XYLB: variants seen among roughly 807,000 people sequenced by gnomAD.
XYLB encodes the protein xylulokinase.
In XYLB, 62 loss-of-function variants were observed where a neutral mutation model predicts 78.7. The observed-to-expected ratio is 0.79, with a 90% CI of 0.64 to 0.97. XYLB has a LOEUF of 0.97. Among genes scored for constraint, XYLB ranks in the 50% least tolerant of loss-of-function variants. The pLI, the probability that XYLB is intolerant of heterozygous loss-of-function variation, is 0.00. For missense variants in XYLB, 687 were observed against 676.8 expected, an observed-to-expected ratio of 1.02 and a Z score of -0.17; for synonymous variants, 245 against 247.4, an observed-to-expected ratio of 0.99 and a Z score of 0.09.
At chr3:38,367,899 T>G (rs148073496) in intron 7 of XYLB, among the ~76,000 whole-genome samples, 2 of 152,350 alleles carry the variant, frequency 1.3e-5, no homozygotes, top group African/African-American at 4.8e-5. Context: ...AAATGCAGCT[T>G]CCCTAAGCCC....
chr3:38,400,340 A>T (rs1045172841), intron 17 of XYLB, among the ~76,000 whole-genome samples: 5 of 152,176 alleles, frequency 3.3e-5, no homozygotes, highest in Non-Finnish European at 7.3e-5. Context: ...AGTTGGGAAA[A>T]GTGCTCTGAG....
chr3:38,406,017 G>A (rs1008012323), intron 18 of XYLB, among the ~76,000 whole-genome samples: 6 of 152,254 alleles, frequency 3.9e-5, no homozygotes, highest in Non-Finnish European at 8.8e-5. Flanking sequence ...CTGTCTGACA[G>A]CTTTGAAGAG....
chr3:38,351,123 G>C (rs942525235), intron 2 of XYLB, among the ~76,000 whole-genome samples: 1 of 125,244 alleles, frequency 8.0e-6, no homozygotes, highest in Non-Finnish European at 1.6e-5. Flanking sequence ...GGTGAGCCAA[G>C]ATCGCGCCAC....
chr3:38,419,871 A>T (rs1051276950), downstream of XYLB, among the ~76,000 whole-genome samples: 1 of 151,808 alleles, frequency 6.6e-6, no homozygotes, highest in Non-Finnish European at 1.5e-5. Flanking sequence ...CCAGGCTGGA[A>T]TGCAGTGGCA....
chr3:38,444,279 C>A, the XYLB span, among the ~76,000 whole-genome samples: 1 of 152,134 alleles, frequency 6.6e-6, no homozygotes, highest in East Asian at 1.9e-4. Flanking sequence ...ATTCCCCTCC[C>A]CCTACAGTTT....
chr3:38,412,859 T>C (rs1043697648), intron 18 of XYLB, 77 bp from the exon 19 acceptor site: 2 of 1,310,860 alleles, frequency 1.5e-6, no homozygotes, highest in African/African-American at 1.5e-5. Context: ...GATTTAAAAA[T>C]TTTAAATTGC....
At chr3:38,446,395 T>G in the XYLB span, among the ~76,000 whole-genome samples, 1 of 152,238 alleles carries the variant, frequency 6.6e-6, no homozygotes, top group African/African-American at 2.4e-5. Flanking sequence ...TACAATCCTC[T>G]TGTAAGACAG....
intron 9 of XYLB, 96 bp from the exon 10 acceptor site, chr3:38,372,559 G>C: frequency 6.3e-7 from 1 of 1,597,028 alleles, no homozygotes; most frequent in African/African-American, 1.3e-5. Context: ...GTGACCTGGA[G>C]ACTGTAGCGT....
chr3:38,365,586 G>A (rs759648022), intron 5 of XYLB, 22 bp from the exon 6 acceptor site: 5 of 1,599,720 alleles, frequency 3.1e-6, no homozygotes, highest in Non-Finnish European at 8.5e-7. Context: ...GCTTAAGCCT[G>A]TGCCTTTGCC....
chr3:38,384,564 C>G (rs1707298224), intron 15 of XYLB, among the ~76,000 whole-genome samples: 1 of 152,188 alleles, frequency 6.6e-6, no homozygotes, highest in Non-Finnish European at 1.5e-5. Context: ...AGCAGCAGGT[C>G]TTAAAAACAA....
At chr3:38,388,404 A>G (rs1002563037) in intron 15 of XYLB, among the ~76,000 whole-genome samples, 2 of 152,096 alleles carry the variant, frequency 1.3e-5, no homozygotes, top group East Asian at 3.8e-4. Flanking sequence ...AAAGATAAGT[A>G]TGTGAAGTAA....
intron 15 of XYLB, among the ~76,000 whole-genome samples, chr3:38,391,296 C>T (rs979302418): frequency 1.3e-5 from 2 of 152,160 alleles, no homozygotes; most frequent in Admixed American, 1.3e-4. Context: ...TCCTCTTCCA[C>T]TGTATCCTCA....
chr3:38,364,104 T>G (rs1185439661), intron 4 of XYLB, among the ~76,000 whole-genome samples: 1 of 151,968 alleles, frequency 6.6e-6, no homozygotes, highest in Non-Finnish European at 1.5e-5. Flanking sequence ...TGCCTCAGAC[T>G]TAGCATGTCC....
chr3:38,365,246 A>G lies in XYLB; in HGVS notation c.339A>G (p.Thr113=). 6.2e-7 allele frequency: 1 copy of G among 1,614,250 alleles called. No individual in the cohort carries two copies. The highest frequency in any genetic ancestry group is 8.5e-7 in the Non-Finnish European group (1 of 1,180,046). ...AGGCTGGAGCCCAGCAGGCACTGAC[A>G]AGCTTATCACCAGACCTCCGGCTAC... The part of the protein sequence containing the change: ...YWKAGAQQAL[T]SLSPDLRLHQ... Residue 113 remains threonine, a synonymous_variant, in exon 5 of 19, where the codon ACA becomes ACG. Transcript: ENST00000207870.
At chr3:38,398,743 G>A (rs1414902984) in intron 17 of XYLB, among the ~76,000 whole-genome samples, 1 of 149,054 alleles carries the variant, frequency 6.7e-6, no homozygotes, top group East Asian at 2.0e-4. Context: ...CTGACATTTC[G>A]GTTGGGTGCA....
At position 38,365,717 on chromosome 3, in the gene XYLB, C is replaced by G. The variant is rs751346841; in HGVS notation, c.488C>G (p.Thr163Arg). The change falls in exon 6 of 19, where the codon ACG becomes AGG. Residue 163 changes from threonine (T) to arginine (R), a missense_variant. Transcript: ENST00000207870. ...GGTGCTCAGGCTCTCAGCTGCCTCA[C>G]GGGGTCCCGTGCCTATGAGGTAGGC... ...VGGAQALSCL[T>R]GSRAYERFTG... 2 of 1,613,376 alleles carry G rather than the reference C, an allele frequency of 1.2e-6. No homozygotes were observed. Among genetic ancestry groups the G allele is most frequent in the South Asian group, 1.1e-5 (1 of 91,008 alleles).
At chr3:38,410,366 C>G (rs928920860) in intron 18 of XYLB, among the ~76,000 whole-genome samples, 4 of 152,138 alleles carry the variant, frequency 2.6e-5, no homozygotes, top group African/African-American at 4.8e-5. Flanking sequence ...TTCCTTACAC[C>G]TTATACAAAA....
chr3:38,369,965 A>G (rs1203367733), intron 8 of XYLB, 91 bp from the exon 9 acceptor site: 2 of 1,096,316 alleles, frequency 1.8e-6, no homozygotes, highest in African/African-American at 3.1e-5. Context: ...AAGTTGTGGC[A>G]AGAGAATTAT....
intron 15 of XYLB, among the ~76,000 whole-genome samples, chr3:38,386,998 T>C (rs1382900953): frequency 6.6e-6 from 1 of 152,258 alleles, no homozygotes; most frequent in African/African-American, 2.4e-5. Context: ...TTAACTGTCA[T>C]TCTTAATGTT....
Sources: allele counts gnomAD v4.1 joint callset (sites outside exome capture counted in the v4.1 genomes callset), GRCh38; gene constraint gnomAD v4.1.1; transcripts MANE v1.5; gene names NCBI Gene and HGNC (gene_info 2026-07-23, HGNC 2026-07-21).